MTARC2: variants seen among roughly 807,000 people sequenced by gnomAD.
MTARC2 encodes mitochondrial amidoxime reducing component 2.
Under a neutral mutation model 35.6 loss-of-function variants are expected in MTARC2, and 27 were observed. The observed-to-expected ratio is 0.76, with a 90% CI of 0.56 to 1.04. The LOEUF (loss-of-function observed/expected upper bound fraction) is 1.04. Among genes scored for constraint, MTARC2 ranks in the 50% least tolerant of loss-of-function variants. MTARC2 has a pLI of 0.00. For missense variants in MTARC2, 412 were observed against 432.5 expected, an observed-to-expected ratio of 0.95 and a Z score of 0.42; for synonymous variants, 158 against 167.1, an observed-to-expected ratio of 0.95 and a Z score of 0.42.
chr1:220,748,538 G>A lies in MTARC2; in HGVS notation c.7G>A (p.Ala3Thr). 2.1e-6 allele frequency: 3 copies of A among 1,419,774 alleles called. No individual in the cohort carries two copies. Among genetic ancestry groups the A allele is most frequent in the Non-Finnish European group, 2.7e-6 (3 of 1,096,602 alleles). The allele number at this position is 1,419,774 out of a possible 1,614,324, so 87.9% of individuals were successfully genotyped here. A position where few individuals can be genotyped will look rare whatever the true frequency, so the allele number is the denominator to read the frequency against. Residue 3 changes from alanine to threonine, a missense_variant, in exon 1 of 8, where the codon GCT (alanine) becomes ACT (threonine). Ala to Thr is a moderately conservative substitution (Grantham distance 58, BLOSUM62 0). Transcript: ENST00000366913. ...CGCCCGCCCTCGCTCTGCCATGGGC[G>A]CTTCCAGCTCCTCCGCGCTGGCCCG... MGASSSSALARLG... is the reference protein window; with the variant it reads MGTSSSSALARLG...
intron 4 of MTARC2, among the ~76,000 whole-genome samples, chr1:220,777,059 G>A (rs1018195891): frequency 6.6e-6 from 1 of 152,210 alleles, no homozygotes; most frequent in African/African-American, 2.4e-5. Flanking sequence ...TTCGCAATAA[G>A]TTACTGGCTA....
chr1:220,769,556 G>A (rs1480573420), intron 4 of MTARC2, among the ~76,000 whole-genome samples: 2 of 152,158 alleles, frequency 1.3e-5, no homozygotes, highest in Admixed American at 6.5e-5. Flanking sequence ...TTTTCCAGGG[G>A]AGCAAAGTCG....
At chr1:220,771,296 CAAAAA>C (rs57776178) in intron 4 of MTARC2, among the ~76,000 whole-genome samples, 42 of 57,100 alleles carry the variant, frequency 7.4e-4, no homozygotes, top group African/African-American at 2.4e-3. Flanking sequence ...GAGACTGTCT[CAAAAA>C]AAAAAAAAAA....
At chr1:220,765,992 T>G (rs1671567049) in intron 4 of MTARC2, among the ~76,000 whole-genome samples, 1 of 152,162 alleles carries the variant, frequency 6.6e-6, no homozygotes, top group African/African-American at 2.4e-5. Context: ...GTGAATCTCA[T>G]GCCCACAGTG....
intron 4 of MTARC2, among the ~76,000 whole-genome samples, chr1:220,774,842 A>G (rs971640576): frequency 1.3e-5 from 2 of 152,204 alleles, no homozygotes; most frequent in African/African-American, 4.8e-5. Flanking sequence ...GGCTATACAT[A>G]GAGAGATGGA....
chr1:220,783,233 G>A (rs1672130197), intron 7 of MTARC2, among the ~76,000 whole-genome samples: 1 of 151,968 alleles, frequency 6.6e-6, no homozygotes, highest in Non-Finnish European at 1.5e-5. Flanking sequence ...TATCAGTGAT[G>A]CATATAATAA....
At chr1:220,764,111 T>A (rs1451821819) in intron 4 of MTARC2, among the ~76,000 whole-genome samples, 1 of 151,886 alleles carries the variant, frequency 6.6e-6, no homozygotes, top group Non-Finnish European at 1.5e-5. Flanking sequence ...TTTTTTTTTT[T>A]GAGAGAGAGT....
chr1:220,762,180 G>T (rs1671455161), intron 3 of MTARC2, among the ~76,000 whole-genome samples: 1 of 152,178 alleles, frequency 6.6e-6, no homozygotes, highest in Non-Finnish European at 1.5e-5. Context: ...TGGAATTATA[G>T]AAGCGGACTT....
chr1:220,783,006 T>C (rs1672123428), intron 7 of MTARC2, among the ~76,000 whole-genome samples: 1 of 152,214 alleles, frequency 6.6e-6, no homozygotes, highest in Non-Finnish European at 1.5e-5. Context: ...TTAGGTTCCA[T>C]AGTGGGTATA....
intron 4 of MTARC2, among the ~76,000 whole-genome samples, chr1:220,772,726 G>A (rs1164452166): frequency 2.6e-5 from 4 of 152,032 alleles, no homozygotes; most frequent in Non-Finnish European, 5.9e-5. Context: ...GTGTTTGGGG[G>A]CAGTGGATGC....
chr1:220,754,393 G>A (rs770155330), intron 1 of MTARC2: 2 of 456,230 alleles, frequency 4.4e-6, no homozygotes, highest in African/African-American at 4.0e-5. Context: ...AGGAAAGGCT[G>A]TTTGGGAGGT....
At chr1:220,749,121 A>C (rs1310188644) in intron 1 of MTARC2, among the ~76,000 whole-genome samples, 3 of 152,210 alleles carry the variant, frequency 2.0e-5, no homozygotes, top group Non-Finnish European at 4.4e-5. Flanking sequence ...ACCAAAGTAG[A>C]AAAATAAAGC....
intron 3 of MTARC2, 82 bp from the exon 4 acceptor site, chr1:220,762,828 T>A: frequency 6.7e-7 from 1 of 1,498,968 alleles, no homozygotes; most frequent in Admixed American, 1.8e-5. Flanking sequence ...GAGGTTTTGC[T>A]TCTGGACATT....
At chr1:220,764,911 T>C (rs973840494) in intron 4 of MTARC2, among the ~76,000 whole-genome samples, 2 of 152,222 alleles carry the variant, frequency 1.3e-5, no homozygotes, top group Non-Finnish European at 2.9e-5. Context: ...TCATCCATTA[T>C]AGGTCAGGCA....
intron 4 of MTARC2, 75 bp from the exon 5 acceptor site, chr1:220,779,943 T>C (rs1672020255): frequency 8.8e-7 from 1 of 1,139,734 alleles, no homozygotes. Context: ...TCATACTTAA[T>C]ATGAGCCAAA....
chr1:220,748,589 C>T lies in MTARC2; in HGVS notation c.58C>T (p.Pro20Ser), dbSNP rs1482053974. 2 of 1,458,680 alleles carry T rather than the reference C, an allele frequency of 1.4e-6. No homozygotes were observed. The highest frequency in any genetic ancestry group is 1.8e-6 in the Non-Finnish European group (2 of 1,114,964). The allele number at this position is 1,458,680 out of a possible 1,614,324, so 90.4% of individuals were successfully genotyped here. A position where few individuals can be genotyped will look rare whatever the true frequency, so the allele number is the denominator to read the frequency against. ...CCTCGGCCTCCCAGCCCGGCCCTGG[C>T]CCAGGTGGCTCGGGGTCGCCGCGCT... ...ARLGLPARPW[P>S]RWLGVAALGL... Residue 20 changes from proline (P) to serine (S), a missense_variant, in exon 1 of 8, where the codon CCC (proline) becomes TCC (serine). Coordinates refer to ENST00000366913, the MANE Select transcript of MTARC2 (RefSeq NM_017898.5).
chr1:220,770,637 T>C (rs1671717405), intron 4 of MTARC2: 1 of 885,340 alleles, frequency 1.1e-6, no homozygotes, highest in Non-Finnish European at 1.4e-6. Context: ...AGTCACTGCA[T>C]GGACAAAGTG....
intron 4 of MTARC2, among the ~76,000 whole-genome samples, chr1:220,768,617 C>T (rs151177810): frequency 2.0e-5 from 3 of 152,156 alleles, no homozygotes; most frequent in Admixed American, 6.5e-5. Flanking sequence ...GTATAGGGCC[C>T]CAGTCACTGT....
In MTARC2 at chr1:220,761,812, A is replaced by C. The variant is rs1419242999; in HGVS notation, c.601A>C (p.Asn201His). 6.2e-7 allele frequency: 1 copy of C among 1,608,048 alleles called. No individual in the cohort carries two copies. The highest frequency in any genetic ancestry group is 1.3e-5 in the African/African-American group (1 of 74,784). ...SRKLLPTLDQNFQVAYPDYCP... is the reference protein window; with the variant it reads ...SRKLLPTLDQHFQVAYPDYCP... ...AAAACTTCTCCCCACTCTTGATCAG[A>C]ATTTCCAGGTGAGCTTACAGAGAGT... Residue 201 changes from asparagine (N) to histidine (H), a missense_variant, in exon 3 of 8, where the codon AAT becomes CAT. Asn to His is a moderately conservative substitution (Grantham distance 68). Coordinates refer to ENST00000366913, the MANE Select transcript of MTARC2 (RefSeq NM_017898.5).
Sources: allele counts gnomAD v4.1 joint callset (sites outside exome capture counted in the v4.1 genomes callset), GRCh38; gene constraint gnomAD v4.1.1; transcripts MANE v1.5; gene names NCBI Gene and HGNC (gene_info 2026-07-23, HGNC 2026-07-21).